Variants in PIWIL4 observed in about 807,000 individuals in gnomAD.
PIWIL4 encodes the protein piwi like RNA-mediated gene silencing 4, also known as piwi-like protein 4.
PIWIL4 carries 50 observed loss-of-function variants against 100.9 expected under a neutral mutation model. That is an observed-to-expected ratio of 0.50 (90% CI 0.39 to 0.63). PIWIL4 has a LOEUF of 0.63. PIWIL4 is among the 20% of genes least tolerant of loss of function. PIWIL4 has a pLI of 0.00. For synonymous variants in PIWIL4, 342 were observed against 367.5 expected (o/e 0.93, Z 0.79); for missense variants, 887 against 1,043.3 (o/e 0.85, Z 2.06).
intron 15 of PIWIL4, among the ~76,000 whole-genome samples, chr11:94,612,625 C>T (rs1948799806): frequency 6.6e-6 from 1 of 152,010 alleles, no homozygotes; most frequent in Admixed American, 6.6e-5. Context: ...CTTTATTCCT[C>T]TCTCTCTGTC....
chr11:94,581,794 G>A (rs1053556306), intron 4 of PIWIL4, among the ~76,000 whole-genome samples: 2 of 152,142 alleles, frequency 1.3e-5, no homozygotes, highest in Middle Eastern at 3.2e-3. Context: ...TCATTTAATC[G>A]TCACAACCCT....
At position 94,585,613 on chromosome 11, in the gene PIWIL4, C is replaced by G. The variant is rs1160202631; in HGVS notation, c.716+88C>G. 13 of 892,840 alleles carry G rather than the reference C, an allele frequency of 1.5e-5. No homozygotes were observed. The African/African-American group carries it at 1.6e-4, about 11-fold the overall frequency. The allele number at this position is 892,840 out of a possible 1,614,324, so 55.3% of individuals were successfully genotyped here. On this transcript the variant is annotated intron_variant, in intron 6 of 19. Coordinates refer to ENST00000299001, the MANE Select transcript of PIWIL4 (RefSeq NM_152431.3). Reference sequence around the variant, plus strand: ...ATGCAATATTATACCATTATGCCTCCTGTGAGAGACTCTGTGATATGAAAT... The same window carrying G: ...ATGCAATATTATACCATTATGCCTCGTGTGAGAGACTCTGTGATATGAAAT...
intron 3 of PIWIL4, among the ~76,000 whole-genome samples, chr11:94,576,552 CACTA>C (rs1050174681): frequency 2.6e-4 from 39 of 152,200 alleles, no homozygotes; most frequent in African/African-American, 8.7e-4. Flanking sequence ...CCATCCTGAT[CACTA>C]ACTGACTATA....
At chr11:94,604,646 C>G (rs1948691693) in intron 13 of PIWIL4, among the ~76,000 whole-genome samples, 1 of 152,180 alleles carries the variant, frequency 6.6e-6, no homozygotes, top group Non-Finnish European at 1.5e-5. Flanking sequence ...AATTGACATC[C>G]CTGTTCTTAA....
At chr11:94,572,898 A>G (rs369658799) in intron 2 of PIWIL4, among the ~76,000 whole-genome samples, 15 of 152,162 alleles carry the variant, frequency 9.9e-5, no homozygotes, top group Non-Finnish European at 1.8e-4. Flanking sequence ...CGTTTTCACG[A>G]TATTGATTCT....
At chr11:94,589,427 T>C (rs891468339) in intron 8 of PIWIL4, among the ~76,000 whole-genome samples, 195 bp downstream of exon 8, 3 of 152,194 alleles carry the variant, frequency 2.0e-5, no homozygotes, top group African/African-American at 7.2e-5. Context: ...TCCTTCTTCC[T>C]GTAGTCTGAG....
chr11:94,607,349 G>C, intron 13 of PIWIL4, 90 bp from the exon 14 acceptor site: 1 of 1,190,440 alleles, frequency 8.4e-7, no homozygotes, highest in Non-Finnish European at 1.2e-6. Flanking sequence ...AAGATGTTTG[G>C]AGAATAATTC....
rs187593532 is a variant in PIWIL4 at position 94,600,241 on chromosome 11, C to T, written c.1381-1554C>T. 1.1e-4 allele frequency among the ~76,000 whole-genome samples: 16 copies of T among 152,294 alleles called. No individual in the cohort carries two copies. In the East Asian group the frequency reaches 3.1e-3, roughly 29 times the overall value. On this transcript the variant is annotated intron_variant, in intron 11 of 19. Coordinates refer to ENST00000299001, the MANE Select transcript of PIWIL4 (RefSeq NM_152431.3). Reference sequence around the variant, plus strand: ...ATCTTTGCTTCTAAGCATACCTACTCCTAGCTTAATATATAATCTTAACTA... The same window carrying T: ...ATCTTTGCTTCTAAGCATACCTACTTCTAGCTTAATATATAATCTTAACTA...
intron 15 of PIWIL4, among the ~76,000 whole-genome samples, 168 bp from the exon 16 acceptor site, chr11:94,616,325 C>A (rs1008956851): frequency 6.7e-6 from 1 of 150,110 alleles, no homozygotes; most frequent in African/African-American, 2.4e-5. Flanking sequence ...TCAATAAATT[C>A]TTTTTGGGTA....
intron 12 of PIWIL4, among the ~76,000 whole-genome samples, chr11:94,603,681 C>A (rs1341751965): frequency 1.3e-5 from 2 of 152,108 alleles, no homozygotes; most frequent in Non-Finnish European, 2.9e-5. Context: ...CTTGGGATTT[C>A]AAAAGTTCAC....
At chr11:94,607,966 G>A (rs1181184743) in intron 14 of PIWIL4, among the ~76,000 whole-genome samples, 1 of 152,078 alleles carries the variant, frequency 6.6e-6, no homozygotes, top group African/African-American at 2.4e-5. Context: ...ACCCTGGATG[G>A]GGCCTCCCCA....
At chr11:94,592,698 T>G (rs1183733541) in intron 8 of PIWIL4, among the ~76,000 whole-genome samples, 1 of 152,238 alleles carries the variant, frequency 6.6e-6, no homozygotes, top group East Asian at 1.9e-4. Flanking sequence ...AGTTGTTCTG[T>G]CACTAATGTG....
At chr11:94,620,689 T>G (rs1255538346) in intron 19 of PIWIL4, among the ~76,000 whole-genome samples, 187 bp from the exon 20 acceptor site, 1 of 152,112 alleles carries the variant, frequency 6.6e-6, no homozygotes, top group African/African-American at 2.4e-5. Context: ...GACTTTTCAC[T>G]CCATCCTCCC....
In PIWIL4 at chr11:94,620,063, C is replaced by T. The variant is rs955863054; in HGVS notation, c.2361C>T (p.Val787=). The part of the protein sequence containing the change: ...RGTVSPTYYN[V]IYDDNGLKPD... ...CTGTTAGTCCTACCTACTATAATGT[C>T]ATCTATGATGACAACGGCTTGAAGC... is the stretch of plus-strand genomic sequence containing the variant. The change falls in exon 19 of 20, where the codon GTC becomes GTT. Residue 787 remains valine (V), a synonymous_variant. Transcript: ENST00000299001. 1.2e-6 allele frequency: 2 copies of T among 1,614,034 alleles called. No homozygotes were observed. The highest frequency in any genetic ancestry group is 1.7e-6 in the Non-Finnish European group (2 of 1,179,982).
chr11:94,620,021 G>A lies in PIWIL4; in HGVS notation c.2319G>A (p.Gln773=). Residue 773 remains glutamine (Q), a synonymous_variant, in exon 19 of 20, where the codon CAG becomes CAA. Transcript: ENST00000299001. ...GGTATGACTTTTATCTGATCAGCCA[G>A]GTGGCCTGCCGGGGAACTGTTAGTC... ...NEWYDFYLIS[Q]VACRGTVSPT... is the part of the protein sequence containing the mutation. The A allele has an allele frequency of 6.2e-7, 1 of 1,614,112 alleles. No individual in the cohort carries two copies. The highest frequency in any genetic ancestry group is 8.5e-7 in the Non-Finnish European group (1 of 1,180,024).
Position 94,583,517 on chromosome 11 carries a change from C to T in PIWIL4, c.583C>T (p.Leu195=). ...GATGACTATCACCCTGAAGAGGGAG[C>T]TGCCATCAAGTTCTCCCGTGTGCAT... is the stretch of plus-strand genomic sequence containing the variant. ...IKMTITLKRE[L]PSSSPVCIQV... Residue 195 remains leucine, a synonymous_variant, in exon 5 of 20, where the codon CTG becomes TTG. Coordinates refer to ENST00000299001, the MANE Select transcript of PIWIL4 (RefSeq NM_152431.3). 6.2e-7 allele frequency: 1 copy of T among 1,613,902 alleles called. No homozygotes were observed. Among genetic ancestry groups the T allele is most frequent in the Non-Finnish European group, 8.5e-7 (1 of 1,179,806 alleles).
At position 94,583,472 on chromosome 11, in the gene PIWIL4, C is replaced by CA; in HGVS notation, c.541dup (p.Arg181LysfsTer3). The CA allele has an allele frequency of 6.2e-7, 1 of 1,613,756 alleles. No homozygotes were observed. Among genetic ancestry groups the CA allele is most frequent in the Non-Finnish European group, 8.5e-7 (1 of 1,179,714 alleles). ...GGTCACAGAGTTGTCAAGTGAAACTCAAAGAGGTGAGACTATAAAGATGAC... is the reference window on the plus strand; with the variant it reads ...GGTCACAGAGTTGTCAAGTGAAACTCAAAAGAGGTGAGACTATAAAGATGAC... On this transcript the variant is annotated frameshift_variant, in exon 5 of 20. Coordinates refer to ENST00000299001, the MANE Select transcript of PIWIL4 (RefSeq NM_152431.3). LOFTEE classifies it high-confidence loss of function.
Position 94,621,206 on chromosome 11 carries a change from A to G in PIWIL4, c.*214A>G, listed in dbSNP as rs6483351. ...AGTTGTATGCTTGGGGTAAATTTTC[A>G]TTGTCATATGTGGAATTTAAATATA... is the stretch of plus-strand genomic sequence containing the variant. On this transcript the variant is annotated 3_prime_UTR_variant, in exon 20 of 20. Transcript: ENST00000299001. 2,017 of 489,088 alleles carry G rather than the reference A, an allele frequency of 4.1e-3. 39 individuals are homozygous for G. The highest frequency in any genetic ancestry group is 0.035 in the African/African-American group (1,821 of 51,526). 30.3% of individuals were successfully genotyped at this position (489,088 alleles called of 1,614,324 possible). A position where few individuals can be genotyped will look rare whatever the true frequency, so the allele number is the denominator to read the frequency against.
chr11:94,612,553 A>G (rs761851415), intron 15 of PIWIL4, among the ~76,000 whole-genome samples: 2 of 152,122 alleles, frequency 1.3e-5, no homozygotes, highest in Admixed American at 6.5e-5. Context: ...TAAAATATTG[A>G]TAAGTGATGA....
Sources: gnomAD v4.1 joint callset for allele counts (sites outside exome capture counted in the v4.1 genomes callset) on GRCh38, gnomAD v4.1.1 for gene constraint, MANE v1.5 for transcripts, NCBI Gene and HGNC (gene_info 2026-07-23, HGNC 2026-07-21) for gene names.